ASH1L: variants seen among roughly 807,000 people sequenced by gnomAD.
ASH1L encodes ASH1 like histone lysine methyltransferase, also known as histone-lysine N-methyltransferase ASH1L.
ASH1L carries 23 observed loss-of-function variants against 269.0 expected under a neutral mutation model. The observed-to-expected ratio is 0.09, with a 90% CI of 0.06 to 0.12. The LOEUF (loss-of-function observed/expected upper bound fraction) is 0.12, where lower values mean the gene tolerates loss of function less well. Ranked by LOEUF, ASH1L falls within the 10% of genes least tolerant of loss-of-function variation. The pLI is 1.00. For missense variants in ASH1L, 2,912 were observed against 3,567.8 expected, an observed-to-expected ratio of 0.82 and a Z score of 4.68; for synonymous variants, 1,187 against 1,253.5, an observed-to-expected ratio of 0.95 and a Z score of 1.12.
intron 5 of ASH1L, among the ~76,000 whole-genome samples, chr1:155,437,016 C>G (rs1662155636): frequency 6.6e-6 from 1 of 152,134 alleles, no homozygotes; most frequent in Non-Finnish European, 1.5e-5. Flanking sequence ...TTTCTGGGCT[C>G]TCTATTCTAC....
chr1:155,337,582 T>C lies in ASH1L; in HGVS notation c.*78A>G. 8.0e-7 allele frequency: 1 copy of C among 1,245,748 alleles called. No homozygotes were observed. Among genetic ancestry groups the C allele is most frequent in the Non-Finnish European group, 1.2e-6 (1 of 849,344 alleles). The allele number at this position is 1,245,748 out of a possible 1,614,324, so 77.2% of individuals were successfully genotyped here. A position where few individuals can be genotyped will look rare whatever the true frequency, so the allele number is the denominator to read the frequency against. ...CCCAGATGGACCCTTCCCACCCCTG[T>C]CTATACCCAGAGAGCAGGAGGCAGG... On this transcript the variant is annotated 3_prime_UTR_variant, in exon 28 of 28. Transcript: ENST00000392403.
intron 6 of ASH1L, among the ~76,000 whole-genome samples, chr1:155,411,675 G>C (rs1333105975): frequency 7.1e-6 from 1 of 140,798 alleles, no homozygotes; most frequent in Non-Finnish European, 1.5e-5. Context: ...TAATGTTGGG[G>C]CACTTTAAGT....
intron 1 of ASH1L, among the ~76,000 whole-genome samples, chr1:155,553,360 T>C (rs1411856454): frequency 6.6e-6 from 1 of 152,246 alleles, no homozygotes; most frequent in African/African-American, 2.4e-5. Context: ...AAATTACTTT[T>C]ATAACAATAG....
In ASH1L at chr1:155,463,457, T is replaced by C. The variant is rs555289181; in HGVS notation, c.4985-3559A>G. Among the ~76,000 whole-genome samples the C allele has an allele frequency of 8.3e-4, 127 of 152,330 alleles. 1 individual carries two copies. The highest frequency in any genetic ancestry group is 2.9e-3 in the African/African-American group (122 of 41,572). ...AAAATTCAAAATGTTTTATAAATAT[T>C]AGTGACTACTATATATTAATTGAGT... On this transcript the variant is annotated intron_variant, in intron 3 of 27. Transcript: ENST00000392403.
At chr1:155,489,686 A>AG (rs1666615121) in intron 2 of ASH1L, among the ~76,000 whole-genome samples, 1 of 151,788 alleles carries the variant, frequency 6.6e-6, no homozygotes, top group South Asian at 2.1e-4. Flanking sequence ...TGAACCTGGG[A>AG]GGCGGAGCTT....
At chr1:155,384,791 C>G (rs1657283298) in intron 7 of ASH1L, among the ~76,000 whole-genome samples, 1 of 152,128 alleles carries the variant, frequency 6.6e-6, no homozygotes, top group South Asian at 2.1e-4. Flanking sequence ...TTCTTGAATA[C>G]AGAGATTTCT....
chr1:155,487,097 G>A (rs1405266762), intron 2 of ASH1L, among the ~76,000 whole-genome samples: 13 of 152,154 alleles, frequency 8.5e-5, no homozygotes, highest in East Asian at 5.8e-4. Flanking sequence ...CCCAGGAGGC[G>A]GAGGTTGCAG....
At chr1:155,406,841 A>G (rs997101352) in intron 6 of ASH1L, among the ~76,000 whole-genome samples, 1 of 152,254 alleles carries the variant, frequency 6.6e-6, no homozygotes, top group South Asian at 2.1e-4. Flanking sequence ...TCTACAATTT[A>G]TATCACGGAC....
At chr1:155,542,614 A>G (rs749807471) in intron 1 of ASH1L, among the ~76,000 whole-genome samples, 1 of 152,116 alleles carries the variant, frequency 6.6e-6, no homozygotes, top group East Asian at 1.9e-4. Context: ...GCCACTGAAC[A>G]TGCTTATATT....
rs571777528 is a variant in ASH1L at position 155,381,939 on chromosome 1, G to A, written c.6104-1823C>T. Among the ~76,000 whole-genome samples, 4 of 151,584 alleles carry A rather than the reference G, an allele frequency of 2.6e-5. No homozygotes were observed. The South Asian group carries it at 8.3e-4, about 32-fold the overall frequency. ...AAAAACAGCCTTGCCAGGAGTGCTG[G>A]CCCACACCTGTAATCCCAGCACTTT... On this transcript the variant is annotated intron_variant, in intron 7 of 27. Coordinates refer to ENST00000392403, the MANE Select transcript of ASH1L (RefSeq NM_018489.3).
chr1:155,465,307 A>G (rs1049141633), intron 3 of ASH1L, among the ~76,000 whole-genome samples: 2 of 151,628 alleles, frequency 1.3e-5, no homozygotes, highest in African/African-American at 2.4e-5. Context: ...AAAAAAAAAA[A>G]AAAAACAGTG....
At chr1:155,514,018 T>C (rs1429079244) in intron 2 of ASH1L, among the ~76,000 whole-genome samples, 1 of 152,178 alleles carries the variant, frequency 6.6e-6, no homozygotes, top group Non-Finnish European at 1.5e-5. Context: ...CTTGAGGACA[T>C]TATGCTAAGG....
At chr1:155,444,709 G>T (rs1023086555) in intron 4 of ASH1L, among the ~76,000 whole-genome samples, 1 of 151,516 alleles carries the variant, frequency 6.6e-6, no homozygotes, top group African/African-American at 2.4e-5. Flanking sequence ...TCCACCTCCC[G>T]GGGTTCACGG....
chr1:155,534,730 A>AG (rs1465256529), intron 1 of ASH1L, among the ~76,000 whole-genome samples: 1 of 152,184 alleles, frequency 6.6e-6, no homozygotes, highest in East Asian at 1.9e-4. Context: ...CTATATACAG[A>AG]GGGAGGCAGT....
intron 1 of ASH1L, among the ~76,000 whole-genome samples, chr1:155,533,641 C>G (rs1571088439): frequency 6.7e-6 from 1 of 150,266 alleles, no homozygotes; most frequent in Non-Finnish European, 1.5e-5. Flanking sequence ...TTGAACCTGG[C>G]AGGCAAAGGT....
intron 3 of ASH1L, among the ~76,000 whole-genome samples, chr1:155,463,288 T>C (rs1282093023): frequency 6.6e-6 from 1 of 151,880 alleles, no homozygotes; most frequent in Non-Finnish European, 1.5e-5. Flanking sequence ...AAAGCATCCT[T>C]GGGTTTGACT....
chr1:155,513,339 G>A (rs1044822743), intron 2 of ASH1L, among the ~76,000 whole-genome samples: 2 of 152,000 alleles, frequency 1.3e-5, no homozygotes, highest in African/African-American at 4.8e-5. Flanking sequence ...GGCTGAGACA[G>A]ACAGACTGTC....
intron 3 of ASH1L, among the ~76,000 whole-genome samples, chr1:155,461,150 A>G (rs1664270734): frequency 6.6e-6 from 1 of 152,236 alleles, no homozygotes; most frequent in African/African-American, 2.4e-5. Flanking sequence ...CCTCTAAATG[A>G]AAGTTCACTC....
At chr1:155,505,253 T>G (rs1052806053) in intron 2 of ASH1L, among the ~76,000 whole-genome samples, 1 of 152,216 alleles carries the variant, frequency 6.6e-6, no homozygotes, top group Non-Finnish European at 1.5e-5. Flanking sequence ...CCAAAAGCCT[T>G]TCTCTTTCCA....
Sources: gnomAD v4.1 joint callset for allele counts (sites outside exome capture counted in the v4.1 genomes callset) on GRCh38, gnomAD v4.1.1 for gene constraint, MANE v1.5 for transcripts, NCBI Gene and HGNC (gene_info 2026-07-23, HGNC 2026-07-21) for gene names.